RIMS2: variants seen among roughly 807,000 people sequenced by gnomAD.
RIMS2 encodes regulating synaptic membrane exocytosis protein 2.
In RIMS2, 59 loss-of-function variants were observed where a neutral mutation model predicts 174.4. The ratio of observed to expected loss-of-function variants is 0.34; its 90% CI spans 0.27 to 0.42. RIMS2 has a LOEUF of 0.42. Among genes scored for constraint, RIMS2 ranks in the 10% least tolerant of loss-of-function variants. The probability of loss-of-function intolerance (pLI) is 1.00; values close to 1 mark genes in which losing one functional copy is unlikely to be tolerated. For missense variants in RIMS2, 1,620 were observed against 1,666.3 expected (o/e 0.97, Z 0.48); for synonymous variants, 606 against 572.5 (o/e 1.06, Z -0.84).
At chr8:103,593,854 A>ATAT (rs2094373708) in intron 1 of RIMS2, among the ~76,000 whole-genome samples, 1 of 151,378 alleles carries the variant, frequency 6.6e-6, no homozygotes, top group Non-Finnish European at 1.5e-5. Flanking sequence ...TAATTTCTAA[A>ATAT]AAGTAGATAG....
intron 1 of RIMS2, among the ~76,000 whole-genome samples, chr8:103,508,185 A>T (rs539642852): frequency 6.6e-6 from 1 of 152,198 alleles, no homozygotes; most frequent in South Asian, 2.1e-4. Context: ...GAGTTGAAAT[A>T]ATTTTAACCA....
chr8:103,662,257 A>C (rs945368091), intron 1 of RIMS2, among the ~76,000 whole-genome samples: 8 of 152,314 alleles, frequency 5.3e-5, no homozygotes, highest in Admixed American at 4.6e-4. Context: ...TGTGCCTCTT[A>C]TGGTGGTGAT....
chr8:103,684,621 C>T (rs1265570635), intron 1 of RIMS2, among the ~76,000 whole-genome samples: 1 of 149,252 alleles, frequency 6.7e-6, no homozygotes, highest in African/African-American at 2.5e-5. Flanking sequence ...GACTCTCGCT[C>T]TATCCCCCAG....
Position 103,655,978 on chromosome 8 carries a change from A to G in RIMS2, c.177-41108A>G, listed in dbSNP as rs1023632096. On this transcript the variant is annotated intron_variant, in intron 1 of 23. Transcript: ENST00000504942. ...CTATAAGTAGCATGAGTGAGAATAG[A>G]AATGGAGAGAGCAATGGAAGAGGCC... 3.9e-5 allele frequency among the ~76,000 whole-genome samples: 6 copies of G among 152,258 alleles called. 1 individual carries two copies. The highest frequency in any genetic ancestry group is 1.2e-4 in the African/African-American group (5 of 41,572).
chr8:103,750,482 A>G (rs2097873984), intron 2 of RIMS2, among the ~76,000 whole-genome samples: 1 of 152,166 alleles, frequency 6.6e-6, no homozygotes, highest in African/African-American at 2.4e-5. Flanking sequence ...AACTCAATGG[A>G]TAAATATTTG....
At chr8:103,777,473 C>T (rs2098330937) in intron 3 of RIMS2, among the ~76,000 whole-genome samples, 1 of 151,886 alleles carries the variant, frequency 6.6e-6, no homozygotes, top group African/African-American at 2.4e-5. Flanking sequence ...GAGTTTTGTA[C>T]TGGCTTTCAT....
rs542859194 is a variant in RIMS2 at position 103,905,517 on chromosome 8, G to A, written c.1625-4617G>A. Among the ~76,000 whole-genome samples, 7 of 151,950 alleles carry A rather than the reference G, an allele frequency of 4.6e-5. No individual in the cohort carries two copies. The South Asian group carries it at 1.5e-3, about 32-fold the overall frequency. On this transcript the variant is annotated intron_variant, in intron 4 of 23. Coordinates refer to ENST00000504942, the Ensembl canonical transcript of RIMS2. ...TTTCTTGGAGCTTTTAAGATATTTC[G>A]TTTTTAGTTTTAGTTTGATTATGGT...
chr8:103,727,020 A>G (rs1280909005), intron 2 of RIMS2, among the ~76,000 whole-genome samples: 1 of 151,634 alleles, frequency 6.6e-6, no homozygotes, highest in Non-Finnish European at 1.5e-5. Flanking sequence ...TACAGGTGTG[A>G]GCCACCGCAC....
chr8:104,251,795 CT>C lies in RIMS2; in HGVS notation c.4026del (p.Gly1343AspfsTer?). ...TCCCAATCATCTCTGGAAAGTTCAA[CT>C]GGACCTTCTTACTCTCGTTCATAGC... is the stretch of plus-strand genomic sequence containing the variant. On this transcript the variant is annotated frameshift_variant, in exon 24 of 24. Transcript: ENST00000504942. LOFTEE classifies it high-confidence loss of function. 6.2e-7 allele frequency: 1 copy of C among 1,607,566 alleles called. No homozygotes were observed. The highest frequency in any genetic ancestry group is 8.5e-7 in the Non-Finnish European group (1 of 1,176,460).
chr8:104,052,433 G>T (rs2096801538), intron 19 of RIMS2, among the ~76,000 whole-genome samples: 1 of 152,120 alleles, frequency 6.6e-6, no homozygotes, highest in Non-Finnish European at 1.5e-5. Context: ...GGTGGGGTTA[G>T]CCTGCAGCTT....
exon 4 of RIMS2, chr8:103,886,051 T>C: frequency 6.2e-7 from 1 of 1,613,048 alleles, no homozygotes; most frequent in Non-Finnish European, 8.5e-7. Context: ...ATTCTCTCAG[T>C]TCAGACCAGT....
chr8:103,610,884 T>G (rs1310856422), intron 1 of RIMS2, among the ~76,000 whole-genome samples: 2 of 152,218 alleles, frequency 1.3e-5, no homozygotes, highest in African/African-American at 2.4e-5. Context: ...TCGGGAATAG[T>G]TTCAATAGGA....
intron 3 of RIMS2, among the ~76,000 whole-genome samples, chr8:103,836,423 A>G (rs1313906765): frequency 2.0e-5 from 3 of 152,152 alleles, no homozygotes; most frequent in African/African-American, 7.2e-5. Context: ...ATAGCCAGTC[A>G]TGGTGTTGCA....
At position 104,098,065 on chromosome 8, in the gene RIMS2, C is replaced by A. The variant is rs536549552; in HGVS notation, c.3334+83450C>A. On this transcript the variant is annotated intron_variant, in intron 19 of 23. Transcript: ENST00000504942. ...TAATTGTATGATACAGATCTTACTG[C>A]ATGATTATGTTCATTTTATAGTAAG... Among the ~76,000 whole-genome samples, 12 of 152,234 alleles carry A rather than the reference C, an allele frequency of 7.9e-5. No individual in the cohort carries two copies. The South Asian group carries it at 2.5e-3, about 32-fold the overall frequency.
At position 103,733,182 on chromosome 8, in the gene RIMS2, C is replaced by T. The variant is rs183695809; in HGVS notation, c.388-33045C>T. 4.3e-4 allele frequency among the ~76,000 whole-genome samples: 66 copies of T among 152,164 alleles called. 1 individual carries two copies. The highest frequency in any genetic ancestry group is 1.4e-3 in the African/African-American group (59 of 41,546). On this transcript the variant is annotated intron_variant, in intron 2 of 23. Coordinates refer to ENST00000504942, the Ensembl canonical transcript of RIMS2. ...CAGGACTGGGTTCTCTTCAAGGCAG[C>T]GGGTTCTCTTCTTGCCCAAGGTGTG... is the stretch of plus-strand genomic sequence containing the variant.
At chr8:104,003,994 C>T (rs1240348623) in intron 17 of RIMS2, among the ~76,000 whole-genome samples, 1 of 152,084 alleles carries the variant, frequency 6.6e-6, no homozygotes, top group Non-Finnish European at 1.5e-5. Flanking sequence ...AGTGCAGAGT[C>T]ATGAAAAATT....
intron 11 of RIMS2, among the ~76,000 whole-genome samples, chr8:103,928,794 C>T (rs1229517263): frequency 6.6e-6 from 1 of 151,208 alleles, no homozygotes; most frequent in Non-Finnish European, 1.5e-5. Context: ...TTAAATTATA[C>T]TAATATTTTT....
chr8:103,603,312 A>G (rs1322511343), intron 1 of RIMS2, among the ~76,000 whole-genome samples: 1 of 151,690 alleles, frequency 6.6e-6, no homozygotes, highest in African/African-American at 2.4e-5. Flanking sequence ...CCATGTCCCT[A>G]CAAAGGACAT....
chr8:103,569,879 T>A (rs1047835447), intron 1 of RIMS2, among the ~76,000 whole-genome samples: 33 of 151,912 alleles, frequency 2.2e-4, no homozygotes, highest in African/African-American at 8.0e-4. Context: ...GCAGTCCTAC[T>A]GCCTCAGCTT....
Sources: allele counts gnomAD v4.1 joint callset (sites outside exome capture counted in the v4.1 genomes callset), GRCh38; gene constraint gnomAD v4.1.1; transcripts MANE v1.5; gene names NCBI Gene and HGNC (gene_info 2026-07-23, HGNC 2026-07-21).